POFUT3: variants seen among roughly 807,000 people sequenced by gnomAD.
POFUT3 encodes GDP-fucose protein O-fucosyltransferase 3.
At chr8:33,314,210 G>A in the POFUT3 span, among the ~76,000 whole-genome samples, 16 of 152,106 alleles carry the variant, frequency 1.1e-4, no homozygotes, top group Admixed American at 7.9e-4. Context: ...CACTGTTTCC[G>A]AGAGAGAACA....
At chr8:33,468,721 T>C in the POFUT3 span, among the ~76,000 whole-genome samples, 1 of 152,214 alleles carries the variant, frequency 6.6e-6, no homozygotes, top group Non-Finnish European at 1.5e-5. Context: ...ACTGGTGTTC[T>C]TCCCAGTGGT....
chr8:33,361,170 T>A, the POFUT3 span: 1 of 152,198 alleles, frequency 6.6e-6, no homozygotes, highest in African/African-American at 2.4e-5. Context: ...CACCCCAGCC[T>A]CTCTACTTAA....
the POFUT3 span, among the ~76,000 whole-genome samples, chr8:33,419,290 C>T: frequency 1.3e-5 from 2 of 152,170 alleles, no homozygotes; most frequent in Non-Finnish European, 2.9e-5. Flanking sequence ...AGTCTCCAAC[C>T]CTTTTGGCAC....
the POFUT3 span, among the ~76,000 whole-genome samples, chr8:33,341,214 T>TGGGGG: frequency 6.6e-6 from 1 of 151,942 alleles, no homozygotes; most frequent in African/African-American, 2.4e-5. Context: ...GGTGGGCAGA[T>TGGGGG]CACTTGAGGT....
chr8:33,446,456 CA>C, the POFUT3 span, among the ~76,000 whole-genome samples: 1,566 of 138,324 alleles, frequency 0.011, 17 homozygotes, highest in African/African-American at 0.034. Flanking sequence ...GATCCTATTA[CA>C]AAAAAAAAAA....
chr8:33,363,268 C>T, the POFUT3 span, among the ~76,000 whole-genome samples: 2 of 152,168 alleles, frequency 1.3e-5, no homozygotes, highest in Admixed American at 6.5e-5. Flanking sequence ...ACATTTAAAG[C>T]AGTGTGTAGA....
chr8:33,355,455 C>G, the POFUT3 span, among the ~76,000 whole-genome samples: 14 of 152,148 alleles, frequency 9.2e-5, no homozygotes, highest in African/African-American at 3.1e-4. Context: ...AAAACTCCCT[C>G]ACAGACACAC....
the POFUT3 span, among the ~76,000 whole-genome samples, chr8:33,353,630 T>A: frequency 6.6e-6 from 1 of 152,092 alleles, no homozygotes; most frequent in Non-Finnish European, 1.5e-5. Context: ...TGTGAGGACA[T>A]GGGGAATGTG....
At chr8:33,397,509 A>G in the POFUT3 span, among the ~76,000 whole-genome samples, 2 of 152,102 alleles carry the variant, frequency 1.3e-5, no homozygotes, top group East Asian at 3.9e-4. Flanking sequence ...ATCACTGAAA[A>G]CAGAGGAGGA....
At chr8:33,447,224 A>C in the POFUT3 span, among the ~76,000 whole-genome samples, 105,311 of 151,946 alleles carry the variant, frequency 0.69, 37,485 homozygotes, top group African/African-American at 0.86. Flanking sequence ...CCGAGGTGGG[A>C]GGATCACGAG....
chr8:33,324,928 C>T, the POFUT3 span, among the ~76,000 whole-genome samples: 1 of 152,150 alleles, frequency 6.6e-6, no homozygotes, highest in Non-Finnish European at 1.5e-5. Flanking sequence ...CTGAGCTGCA[C>T]AGTTGCAAAA....
the POFUT3 span, among the ~76,000 whole-genome samples, chr8:33,352,364 T>G: frequency 1.3e-5 from 2 of 152,320 alleles, no homozygotes; most frequent in African/African-American, 4.8e-5. Context: ...AAACGGGGCT[T>G]TATTTCCCCG....
At chr8:33,397,443 T>C in the POFUT3 span, among the ~76,000 whole-genome samples, 1 of 152,164 alleles carries the variant, frequency 6.6e-6, no homozygotes, top group African/African-American at 2.4e-5. Flanking sequence ...CTGTCACCAC[T>C]GTCTGCCCAG....
At chr8:33,461,690 G>A in the POFUT3 span, 1 of 1,456,446 alleles carries the variant, frequency 6.9e-7, no homozygotes, top group South Asian at 1.3e-5. Flanking sequence ...CAGAGCAGCT[G>A]GAGATTTCTC....
chr8:33,352,982 C>A, the POFUT3 span, among the ~76,000 whole-genome samples: 2 of 152,178 alleles, frequency 1.3e-5, no homozygotes, highest in Admixed American at 1.3e-4. Flanking sequence ...CTGTGCACAG[C>A]CTGAGACCAA....
At chr8:33,331,663 T>TTTGTTGTTGTTG in the POFUT3 span, among the ~76,000 whole-genome samples, 304 of 151,410 alleles carry the variant, frequency 2.0e-3, no homozygotes, top group African/African-American at 6.9e-3. Context: ...CTCTAAAGAT[T>TTTGTTGTTGTTG]TTGTTGTTGT....
the POFUT3 span, among the ~76,000 whole-genome samples, chr8:33,366,374 G>T: frequency 2.0e-5 from 3 of 151,906 alleles, no homozygotes; most frequent in Non-Finnish European, 4.4e-5. Flanking sequence ...CCTGCACGTT[G>T]TGTACATGTA....
chr8:33,363,649 C>T, the POFUT3 span, among the ~76,000 whole-genome samples: 5 of 152,162 alleles, frequency 3.3e-5, no homozygotes, highest in Non-Finnish European at 7.3e-5. Context: ...CACCTCTATG[C>T]AAATAAACTA....
chr8:33,354,973 C>T, the POFUT3 span, among the ~76,000 whole-genome samples: 3 of 152,206 alleles, frequency 2.0e-5, no homozygotes. Context: ...TCTGAACTTT[C>T]GTTGTTTACA....
Sources: allele counts gnomAD v4.1 joint callset (sites outside exome capture counted in the v4.1 genomes callset), GRCh38; gene constraint gnomAD v4.1.1; transcripts MANE v1.5; gene names NCBI Gene and HGNC (gene_info 2026-07-23, HGNC 2026-07-21).